The following CACNA2D1 variants were observed in gnomAD, a reference collection of about 807,000 sequenced individuals.
CACNA2D1 encodes voltage-dependent calcium channel subunit alpha-2/delta-1.
In CACNA2D1, 53 loss-of-function variants were observed where a neutral mutation model predicts 171.5. That is an observed-to-expected ratio of 0.31 (90% CI 0.25 to 0.39). CACNA2D1 has a LOEUF of 0.39. Among genes scored for constraint, CACNA2D1 ranks in the 10% least tolerant of loss-of-function variants. CACNA2D1 has a pLI of 1.00. For missense variants in CACNA2D1, 903 were observed against 1,299.8 expected (o/e 0.69, Z 4.69); for synonymous variants, 442 against 443.1 (o/e 1.00, Z 0.03).
chr7:81,950,303 T>C lies in CACNA2D1; in HGVS notation c.*89A>G, dbSNP rs1792369828. The C allele has an allele frequency of 2.5e-6, 4 of 1,611,050 alleles. No homozygotes were observed. Among genetic ancestry groups the C allele is most frequent in the Admixed American group, 1.7e-5 (1 of 59,778 alleles). On this transcript the variant is annotated 3_prime_UTR_variant, in exon 39 of 39. Transcript: ENST00000356860. ...CCCAGCTAATGTTTGTCTGATTTTA[T>C]AGCTGACCCTACGTTACTGTAATTG...
intron 3 of CACNA2D1, among the ~76,000 whole-genome samples, chr7:82,287,295 T>C (rs1810923124): frequency 6.6e-6 from 1 of 152,180 alleles, no homozygotes; most frequent in Middle Eastern, 3.4e-3. Context: ...GTCCCTTGTT[T>C]ATTTCCAAAA....
chr7:82,353,886 T>C (rs1820127889), intron 1 of CACNA2D1, among the ~76,000 whole-genome samples: 2 of 151,916 alleles, frequency 1.3e-5, no homozygotes, highest in Admixed American at 6.6e-5. Context: ...TTATTGACAA[T>C]GATGGGGTAC....
intron 2 of CACNA2D1, among the ~76,000 whole-genome samples, chr7:82,348,932 A>T (rs374901261): frequency 1.4e-3 from 214 of 152,264 alleles, no homozygotes; most frequent in African/African-American, 4.5e-3. Context: ...AAATGCTCTT[A>T]CCCATGGAAA....
At chr7:82,218,765 T>C (rs1264307004) in intron 3 of CACNA2D1, among the ~76,000 whole-genome samples, 5 of 152,196 alleles carry the variant, frequency 3.3e-5, no homozygotes, top group African/African-American at 1.2e-4. Context: ...TAAAGTTTAG[T>C]GCAATGTGGA....
At chr7:82,382,813 T>C (rs1823857297) in intron 1 of CACNA2D1, among the ~76,000 whole-genome samples, 1 of 152,208 alleles carries the variant, frequency 6.6e-6, no homozygotes, top group African/African-American at 2.4e-5. Context: ...AGACAGGGCA[T>C]AAAATCTATT....
chr7:82,035,592 A>G (rs574571642), intron 11 of CACNA2D1, among the ~76,000 whole-genome samples: 1 of 152,268 alleles, frequency 6.6e-6, no homozygotes, highest in East Asian at 1.9e-4. Context: ...ATCAGCAACT[A>G]GTAATAAATC....
At chr7:81,994,815 C>T (rs372813431) in intron 20 of CACNA2D1, 53 bp downstream of exon 20, 5 of 877,636 alleles carry the variant, frequency 5.7e-6, no homozygotes, top group East Asian at 2.6e-5. Context: ...TTACCAATAT[C>T]AATTATTCTT....
At chr7:82,025,063 T>C (rs1801708929) in intron 12 of CACNA2D1, among the ~76,000 whole-genome samples, 1 of 151,680 alleles carries the variant, frequency 6.6e-6, no homozygotes, top group African/African-American at 2.4e-5. Flanking sequence ...TACATTTTGA[T>C]ATTAGGAGGT....
At chr7:82,185,353 C>A (rs559810061) in intron 3 of CACNA2D1, among the ~76,000 whole-genome samples, 2 of 149,998 alleles carry the variant, frequency 1.3e-5, no homozygotes, top group African/African-American at 4.9e-5. Flanking sequence ...GAGGTTAGGG[C>A]TGTGTGGCAG....
intron 10 of CACNA2D1, among the ~76,000 whole-genome samples, chr7:82,056,007 GTT>G (rs1805846508): frequency 5.2e-4 from 10 of 19,304 alleles, no homozygotes; most frequent in Non-Finnish European, 9.0e-4. Flanking sequence ...CTACTCAAAA[GTT>G]AAAAAAAAAA....
chr7:81,958,866 C>A (rs912116243), intron 38 of CACNA2D1, among the ~76,000 whole-genome samples: 2 of 150,636 alleles, frequency 1.3e-5, no homozygotes, highest in Non-Finnish European at 3.0e-5. Context: ...CACACTAGAA[C>A]TCTGTAATAA....
intron 3 of CACNA2D1, among the ~76,000 whole-genome samples, chr7:82,288,238 T>A (rs137985920): frequency 5.3e-4 from 81 of 152,230 alleles, no homozygotes; most frequent in African/African-American, 1.8e-3. Flanking sequence ...GTTTTGTTTT[T>A]CAGTATTTCT....
At chr7:81,994,828 TATA>T (rs761825204) in intron 20 of CACNA2D1, 37 bp downstream of exon 20, 4 of 954,700 alleles carry the variant, frequency 4.2e-6, no homozygotes, top group Non-Finnish European at 6.8e-6. Context: ...TTATTCTTGA[TATA>T]ATTTTTATTT....
At chr7:81,994,479 A>T (rs553547889) in intron 20 of CACNA2D1, among the ~76,000 whole-genome samples, 1 of 152,226 alleles carries the variant, frequency 6.6e-6, no homozygotes, top group Admixed American at 6.5e-5. Flanking sequence ...TAAAAAGGCA[A>T]ATCATGTAAA....
chr7:82,354,975 T>C (rs568712413), intron 1 of CACNA2D1, among the ~76,000 whole-genome samples: 1 of 152,308 alleles, frequency 6.6e-6, no homozygotes, highest in South Asian at 2.1e-4. Context: ...TTATATCTTT[T>C]TCTATGGAAC....
intron 12 of CACNA2D1, among the ~76,000 whole-genome samples, chr7:82,018,820 C>T (rs1800823390): frequency 6.6e-6 from 1 of 151,678 alleles, no homozygotes. Context: ...CCCATCTCTA[C>T]TAAAAATACA....
chr7:82,340,137 A>G (rs1406492193), intron 2 of CACNA2D1, among the ~76,000 whole-genome samples: 1 of 152,178 alleles, frequency 6.6e-6, no homozygotes, highest in African/African-American at 2.4e-5. Context: ...ATAAGTTTTT[A>G]GTCATCTGTC....
chr7:82,114,183 A>C (rs1427409804), intron 6 of CACNA2D1, among the ~76,000 whole-genome samples: 1 of 152,172 alleles, frequency 6.6e-6, no homozygotes, highest in African/African-American at 2.4e-5. Flanking sequence ...TGCCTATGTA[A>C]ACATTTTTAA....
At chr7:81,995,483 A>G (rs533702278) in intron 19 of CACNA2D1, among the ~76,000 whole-genome samples, 1 of 152,282 alleles carries the variant, frequency 6.6e-6, no homozygotes, top group African/African-American at 2.4e-5. Context: ...CTCCTTCAGT[A>G]GAATACTCCA....
Sources: gnomAD v4.1 joint callset for allele counts (sites outside exome capture counted in the v4.1 genomes callset) on GRCh38, gnomAD v4.1.1 for gene constraint, MANE v1.5 for transcripts, NCBI Gene and HGNC (gene_info 2026-07-23, HGNC 2026-07-21) for gene names.